Variants in SCN7A observed in about 807,000 individuals in gnomAD.
The protein encoded by SCN7A is sodium channel protein type 7 subunit alpha.
In SCN7A, 138 loss-of-function variants were observed where a neutral mutation model predicts 155.2. The ratio of observed to expected loss-of-function variants is 0.89; its 90% CI spans 0.77 to 1.02. The LOEUF (loss-of-function observed/expected upper bound fraction) is 1.02, where lower values mean the gene tolerates loss of function less well. SCN7A is among the 50% of genes least tolerant of loss of function. SCN7A has a pLI of 0.00. For synonymous variants in SCN7A, 693 were observed against 649.0 expected (o/e 1.07, Z -1.03); for missense variants, 2,058 against 1,986.6 (o/e 1.04, Z -0.68).
chr2:166,440,507 T>C (rs967602895), intron 15 of SCN7A: 10 of 152,104 alleles, frequency 6.6e-5, no homozygotes, highest in African/African-American at 9.7e-5. Flanking sequence ...TGCTATCTAA[T>C]GGAAATATGA....
intron 11 of SCN7A, among the ~76,000 whole-genome samples, chr2:166,451,336 T>C (rs1321442480): frequency 6.6e-6 from 1 of 152,210 alleles, no homozygotes; most frequent in Admixed American, 6.5e-5. Flanking sequence ...GCCCACACAT[T>C]GGTCAAATAC....
At chr2:166,434,709 A>C (rs1460808458) in intron 15 of SCN7A, among the ~76,000 whole-genome samples, 1 of 152,194 alleles carries the variant, frequency 6.6e-6, no homozygotes, top group African/African-American at 2.4e-5. Flanking sequence ...TGGTGAGACC[A>C]GATATAATTT....
At chr2:166,421,152 TA>T in intron 20 of SCN7A, 37 bp downstream of exon 20, 1 of 1,341,612 alleles carries the variant, frequency 7.5e-7, no homozygotes, top group Non-Finnish European at 1.0e-6. Flanking sequence ...TAATTCCAAA[TA>T]AAAATTTGTA....
At chr2:166,414,000 T>TATATATATATATATATAA (rs1292737289) in intron 21 of SCN7A, among the ~76,000 whole-genome samples, 34 of 100,156 alleles carry the variant, frequency 3.4e-4, no homozygotes, top group African/African-American at 1.4e-3. Flanking sequence ...TATATATATA[T>TATATATATATATATATAA]ATAAATATAC....
chr2:166,406,371 A>T lies in SCN7A; in HGVS notation c.4258T>A (p.Phe1420Ile). The T allele has an allele frequency of 3.7e-6, 6 of 1,613,148 alleles. No individual in the cohort carries two copies. The highest frequency in any genetic ancestry group is 5.1e-6 in the Non-Finnish European group (6 of 1,179,402). ...GINDVSNFET[F>I]GNSMLCLFQV... ...AAAAGACAGAGCATACTGTTGCCAA[A>T]GGTTTCAAAATTAGACACATCATTA... is the stretch of plus-strand genomic sequence containing the variant. Residue 1420 changes from phenylalanine to isoleucine, a missense_variant, in exon 26 of 26, where the codon TTT becomes ATT. Coordinates refer to ENST00000643258, the MANE Select transcript of SCN7A (RefSeq NM_002976.4).
chr2:166,408,855 C>G (rs1315533002), intron 25 of SCN7A, among the ~76,000 whole-genome samples: 3 of 151,966 alleles, frequency 2.0e-5, no homozygotes, highest in Non-Finnish European at 4.4e-5. Context: ...AACAGACAAA[C>G]TTCTCTCTGC....
chr2:166,409,847 G>A lies in SCN7A; in HGVS notation c.3800C>T (p.Ala1267Val). 1 of 1,570,564 alleles carries A rather than the reference G, an allele frequency of 6.4e-7. No individual in the cohort carries two copies. Among genetic ancestry groups the A allele is most frequent in the Non-Finnish European group, 8.7e-7 (1 of 1,155,730 alleles). Residue 1267 changes from alanine (A) to valine (V), a missense_variant, in exon 25 of 26, where the codon GCC becomes GTC. Transcript: ENST00000643258. The part of the protein sequence containing the change: ...VMVLICFQAI[A>V]MMIDTDVQSL... ...CTGAACATCAGTGTCTATCATCATG[G>A]CTATTGCTTGGAAACATATAAGAAC... is the stretch of plus-strand genomic sequence containing the variant.
intron 2 of SCN7A, among the ~76,000 whole-genome samples, chr2:166,480,266 A>G (rs1702890738): frequency 6.6e-6 from 1 of 152,018 alleles, no homozygotes; most frequent in Non-Finnish European, 1.5e-5. Context: ...GACCATCCTG[A>G]CTAACACGGT....
intron 2 of SCN7A, among the ~76,000 whole-genome samples, chr2:166,479,879 A>G (rs1053165327): frequency 5.3e-5 from 8 of 152,156 alleles, no homozygotes; most frequent in African/African-American, 1.9e-4. Flanking sequence ...AAAGGGAAGA[A>G]TATGTGCTAG....
In SCN7A at chr2:166,405,781, A is replaced by C; in HGVS notation, c.4848T>G (p.Ile1616Met). ...ANPFKITCEP[I>M]TTTLKRKQEA... is the part of the protein sequence containing the mutation. ...CTTGTTTTCGTTTCAAAGTAGTCGT[A>C]ATTGGCTCACATGTGATCTTAAAAG... is the stretch of plus-strand genomic sequence containing the variant. The change falls in exon 26 of 26, where the codon ATT becomes ATG. Residue 1616 changes from isoleucine to methionine, a missense_variant. Transcript: ENST00000643258. 6.2e-7 allele frequency: 1 copy of C among 1,613,050 alleles called. No individual in the cohort carries two copies. The highest frequency in any genetic ancestry group is 2.2e-5 in the East Asian group (1 of 44,850).
intron 1 of SCN7A, among the ~76,000 whole-genome samples, chr2:166,491,505 T>C (rs932117958): frequency 6.6e-6 from 1 of 152,186 alleles, no homozygotes; most frequent in African/African-American, 2.4e-5. Flanking sequence ...ATAATAATCT[T>C]AGCTGGGTCA....
chr2:166,445,583 C>G (rs965920291), intron 12 of SCN7A, among the ~76,000 whole-genome samples: 3 of 148,922 alleles, frequency 2.0e-5, no homozygotes, highest in African/African-American at 7.4e-5. Flanking sequence ...CAGGAGCAAG[C>G]TTTCTCTCTC....
chr2:166,437,092 G>A (rs1022630737), intron 15 of SCN7A, among the ~76,000 whole-genome samples: 1 of 152,238 alleles, frequency 6.6e-6, no homozygotes, highest in Non-Finnish European at 1.5e-5. Context: ...TCCAGGGCAT[G>A]TCAGAGACCT....
At chr2:166,471,920 T>C (rs1042902635) in intron 6 of SCN7A, among the ~76,000 whole-genome samples, 14 of 151,962 alleles carry the variant, frequency 9.2e-5, no homozygotes, top group African/African-American at 3.4e-4. Flanking sequence ...ATCTTTATCG[T>C]TCTTGCTCCA....
At position 166,475,135 on chromosome 2, in the gene SCN7A, T is replaced by TAC. The variant is rs1412766615; in HGVS notation, c.235-792_235-791insGT. Among the ~76,000 whole-genome samples the TAC allele has an allele frequency of 2.7e-3, 379 of 141,646 alleles. 2 individuals carry two copies. Among genetic ancestry groups the TAC allele is most frequent in the African/African-American group, 8.7e-3 (337 of 38,564 alleles). The allele number at this position is 141,646 out of a possible 152,430, so 92.9% of individuals were successfully genotyped here. A position where few individuals can be genotyped will look rare whatever the true frequency, so the allele number is the denominator to read the frequency against. On this transcript the variant is annotated intron_variant, in intron 3 of 25. Coordinates refer to ENST00000643258, the MANE Select transcript of SCN7A (RefSeq NM_002976.4). Reference sequence around the variant, plus strand: ...ATATATATATACATATATATATATATATACACACACACACATTCAGTGAAA... The same window carrying TAC: ...ATATATATATACATATATATATATATACATACACACACACACATTCAGTGAAA...
At position 166,409,768 on chromosome 2, in the gene SCN7A, T is replaced by A; in HGVS notation, c.3879A>T (p.Leu1293=). ...LYWINSIFVM[L]YTMECILKLI... ...GCTTCAGTATACATTCCATAGTATATAGCATAACAAAAATTGAGTTAATCC... is the reference window on the plus strand; with the variant it reads ...GCTTCAGTATACATTCCATAGTATAAAGCATAACAAAAATTGAGTTAATCC... The change falls in exon 25 of 26, where the codon CTA becomes CTT. Residue 1293 remains leucine (L), a synonymous_variant. Transcript: ENST00000643258. The A allele has an allele frequency of 6.4e-7, 1 of 1,564,664 alleles. No individual in the cohort carries two copies. Among genetic ancestry groups the A allele is most frequent in the East Asian group, 2.3e-5 (1 of 42,626 alleles).
At chr2:166,477,323 T>C (rs1702819969) in intron 3 of SCN7A, 140 bp downstream of exon 3, 1 of 656,882 alleles carries the variant, frequency 1.5e-6, no homozygotes, top group Non-Finnish European at 2.5e-6. Context: ...ATGAGATATC[T>C]TATGTCGTTC....
chr2:166,428,457 T>C (rs1365353190), intron 17 of SCN7A, among the ~76,000 whole-genome samples: 2 of 152,056 alleles, frequency 1.3e-5, no homozygotes, highest in Non-Finnish European at 2.9e-5. Flanking sequence ...GGAATTTTTA[T>C]TGAGACTATT....
chr2:166,409,534 T>C, intron 25 of SCN7A, 131 bp downstream of exon 25: 2 of 649,688 alleles, frequency 3.1e-6, no homozygotes, highest in Non-Finnish European at 5.0e-6. Context: ...AAAAGATCTC[T>C]ACCTGTTTTG....
Sources: allele counts gnomAD v4.1 joint callset (sites outside exome capture counted in the v4.1 genomes callset), GRCh38; gene constraint gnomAD v4.1.1; transcripts MANE v1.5; gene names NCBI Gene and HGNC (gene_info 2026-07-23, HGNC 2026-07-21).